Variants in ZC3H12B observed in about 807,000 individuals in gnomAD.
ZC3H12B encodes probable ribonuclease ZC3H12B.
ZC3H12B carries 7 observed loss-of-function variants against 43.9 expected under a neutral mutation model. The ratio of observed to expected loss-of-function variants is 0.16; its 90% confidence interval spans 0.09 to 0.30. ZC3H12B has a LOEUF of 0.30. Ranked by LOEUF, ZC3H12B falls within the 10% of genes least tolerant of loss-of-function variation. The pLI, the probability that ZC3H12B is intolerant of heterozygous loss-of-function variation, is 1.00. For missense variants in ZC3H12B, 475 were observed against 670.2 expected (o/e 0.71, Z 3.22); for synonymous variants, 222 against 241.7 (o/e 0.92, Z 0.76).
the ZC3H12B span, among the ~76,000 whole-genome samples, chrX:65,115,388 CA>C: frequency 4.4e-4 from 48 of 109,455 alleles, no homozygotes; most frequent in African/African-American, 1.5e-3. Context: ...TTATTTCATT[CA>C]TTTTTTTTTT....
the ZC3H12B span, among the ~76,000 whole-genome samples, chrX:65,288,747 C>T: frequency 9.0e-6 from 1 of 110,838 alleles, no homozygotes; most frequent in South Asian, 3.8e-4. Flanking sequence ...CTAGCTAGAG[C>T]AATCAGGCAA....
chrX:65,118,153 A>T, the ZC3H12B span, among the ~76,000 whole-genome samples: 2 of 111,590 alleles, frequency 1.8e-5, no homozygotes, highest in Non-Finnish European at 3.8e-5. Context: ...TACCTTGGGC[A>T]ATATGGCCAT....
At chrX:65,368,496 A>G (rs1041830108) in intron 1 of ZC3H12B, among the ~76,000 whole-genome samples, 2 of 111,900 alleles carry the variant, frequency 1.8e-5, no homozygotes, top group African/African-American at 3.2e-5. Flanking sequence ...GAAAAATGGT[A>G]TTATTTATAA....
the ZC3H12B span, among the ~76,000 whole-genome samples, chrX:65,317,876 T>TGTATACATATATATATAC: frequency 9.7e-6 from 1 of 103,339 alleles, no homozygotes; most frequent in African/African-American, 3.5e-5. Context: ...TATACATATA[T>TGTATACATATATATATAC]ATACATATAT....
At chrX:65,184,243 AT>A in the ZC3H12B span, among the ~76,000 whole-genome samples, 63 of 110,928 alleles carry the variant, frequency 5.7e-4, no homozygotes, top group African/African-American at 1.7e-3. Context: ...CATGTCTTAT[AT>A]TTTTTTTGTT....
At chrX:65,275,566 C>T in the ZC3H12B span, among the ~76,000 whole-genome samples, 1 of 113,043 alleles carries the variant, frequency 8.8e-6, no homozygotes, top group South Asian at 3.5e-4. Context: ...GCCTAAGCAA[C>T]TGAGAAACTC....
the ZC3H12B span, among the ~76,000 whole-genome samples, chrX:65,201,951 C>A: frequency 1.9e-5 from 2 of 102,664 alleles, no homozygotes; most frequent in African/African-American, 3.6e-5. Flanking sequence ...TGAAGAGGTG[C>A]CTTCCACCAT....
the ZC3H12B span, among the ~76,000 whole-genome samples, chrX:65,065,516 T>G: frequency 8.9e-6 from 1 of 112,395 alleles, no homozygotes; most frequent in Admixed American, 9.4e-5. Flanking sequence ...GAGCCACTGT[T>G]AGTCTGATGG....
At chrX:65,040,588 A>AT in the ZC3H12B span, among the ~76,000 whole-genome samples, 9 of 110,226 alleles carry the variant, frequency 8.2e-5, no homozygotes, top group African/African-American at 1.6e-4. Flanking sequence ...TGAATTTTAG[A>AT]TTTTTTTTAT....
the ZC3H12B span, among the ~76,000 whole-genome samples, chrX:65,202,408 T>C: frequency 2.8e-5 from 3 of 108,010 alleles, no homozygotes; most frequent in East Asian, 8.7e-4. Flanking sequence ...AGGCACTTGG[T>C]TGTTGTGATC....
the ZC3H12B span, among the ~76,000 whole-genome samples, chrX:65,072,981 A>T: frequency 1.1e-3 from 120 of 112,439 alleles, no homozygotes; most frequent in African/African-American, 3.8e-3. Flanking sequence ...ACACAGGTGG[A>T]GGTGGCCTCT....
chrX:65,041,700 G>A, the ZC3H12B span, among the ~76,000 whole-genome samples: 3 of 112,267 alleles, frequency 2.7e-5, no homozygotes, highest in African/African-American at 3.2e-5. Context: ...GTTACACTTA[G>A]TAGTCTTTGT....
chrX:65,073,954 G>A, the ZC3H12B span, among the ~76,000 whole-genome samples: 2 of 111,888 alleles, frequency 1.8e-5, no homozygotes, highest in South Asian at 3.8e-4. Flanking sequence ...CTAGGAGTGC[G>A]CCAGTTGTCC....
At chrX:65,088,615 G>C in the ZC3H12B span, among the ~76,000 whole-genome samples, 1 of 111,981 alleles carries the variant, frequency 8.9e-6, no homozygotes, top group Non-Finnish European at 1.9e-5. Context: ...TCACAAAGCA[G>C]ATTCAGAATG....
chrX:65,093,650 C>T, the ZC3H12B span, among the ~76,000 whole-genome samples: 1 of 112,005 alleles, frequency 8.9e-6, no homozygotes, highest in South Asian at 3.7e-4. Context: ...GTAGCCCCGC[C>T]TTTTTTTGGC....
the ZC3H12B span, among the ~76,000 whole-genome samples, chrX:65,064,219 C>A: frequency 9.0e-6 from 1 of 111,219 alleles, no homozygotes; most frequent in Non-Finnish European, 1.9e-5. Context: ...GCTCTTGCTT[C>A]TCTAGTTCTT....
chrX:65,455,541 G>A (rs755937218), intron 3 of ZC3H12B, among the ~76,000 whole-genome samples: 4 of 112,136 alleles, frequency 3.6e-5, no homozygotes, highest in African/African-American at 1.3e-4. Context: ...GAACCAAGTT[G>A]GAAAACACTC....
chrX:65,188,139 C>A, the ZC3H12B span, among the ~76,000 whole-genome samples: 1 of 111,452 alleles, frequency 9.0e-6, no homozygotes, highest in East Asian at 2.8e-4. Flanking sequence ...GATAAGATCT[C>A]ATTCATTTTT....
the ZC3H12B span, among the ~76,000 whole-genome samples, chrX:65,349,230 C>G: frequency 1.8e-5 from 2 of 112,056 alleles, no homozygotes; most frequent in Non-Finnish European, 3.8e-5. Flanking sequence ...AACCACACAA[C>G]TACATGGAAA....
Sources: allele counts gnomAD v4.1 joint callset (sites outside exome capture counted in the v4.1 genomes callset), GRCh38; gene constraint gnomAD v4.1.1; transcripts MANE v1.5; gene names NCBI Gene and HGNC (gene_info 2026-07-23, HGNC 2026-07-21).